EYS: variants seen among roughly 807,000 people sequenced by gnomAD.
EYS encodes the protein EGF-like photoreceptor maintenance factor.
A neutral mutation model predicts 282.1 loss-of-function variants in EYS; 250 were observed. The ratio of observed to expected loss-of-function variants is 0.89; its 90% CI spans 0.80 to 0.98. EYS has a LOEUF of 0.98. EYS is among the 50% of genes least tolerant of loss of function. The pLI, the probability that EYS is intolerant of heterozygous loss-of-function variation, is 0.00. For synonymous variants in EYS, 1,355 were observed against 1,282.9 expected, an observed-to-expected ratio of 1.06 and a Z score of -1.20; for missense variants, 4,016 against 3,709.0, an observed-to-expected ratio of 1.08 and a Z score of -2.15.
chr6:64,488,780 C>A (rs1332742185), intron 26 of EYS, among the ~76,000 whole-genome samples: 1 of 150,872 alleles, frequency 6.6e-6, no homozygotes, highest in Admixed American at 6.6e-5. Flanking sequence ...GTCATCGTAT[C>A]CATGGAAAAG....
intron 13 of EYS, among the ~76,000 whole-genome samples, chr6:65,037,567 C>G (rs1772807729): frequency 6.6e-6 from 1 of 151,522 alleles, no homozygotes; most frequent in African/African-American, 2.4e-5. Context: ...TTTCTTTTCT[C>G]TAGGTTACTT....
At chr6:64,031,719 G>A (rs1451751867) in intron 33 of EYS, among the ~76,000 whole-genome samples, 1 of 152,144 alleles carries the variant, frequency 6.6e-6, no homozygotes, top group Non-Finnish European at 1.5e-5. Context: ...ACTCTGGTGG[G>A]GACTTGGAGA....
chr6:65,191,031 G>A (rs1197695684), intron 12 of EYS, among the ~76,000 whole-genome samples: 3 of 151,720 alleles, frequency 2.0e-5, no homozygotes, highest in Non-Finnish European at 4.4e-5. Context: ...ATCTATTCCC[G>A]CCTTAGCAAA....
chr6:64,330,030 G>C (rs1462433541), intron 29 of EYS, among the ~76,000 whole-genome samples: 1 of 152,122 alleles, frequency 6.6e-6, no homozygotes, highest in African/African-American at 2.4e-5. Context: ...TTTCAAGGAA[G>C]CACTAGCCCA....
chr6:63,739,562 A>C (rs1769019384), intron 41 of EYS, among the ~76,000 whole-genome samples: 2 of 152,146 alleles, frequency 1.3e-5, no homozygotes, highest in Non-Finnish European at 2.9e-5. Context: ...AATATTCCCA[A>C]AAGTTGAGGA....
At chr6:64,257,735 G>A (rs1384833614) in intron 30 of EYS, among the ~76,000 whole-genome samples, 2 of 151,712 alleles carry the variant, frequency 1.3e-5, no homozygotes, top group Admixed American at 6.6e-5. Flanking sequence ...ATCCAGGAAT[G>A]CTCACACCGC....
intron 8 of EYS, among the ~76,000 whole-genome samples, chr6:65,354,505 A>G (rs1764402474): frequency 6.6e-6 from 1 of 151,670 alleles, no homozygotes; most frequent in Middle Eastern, 3.4e-3. Context: ...AGTATGAGTC[A>G]ACACTAAATG....
At chr6:65,049,997 C>G (rs1773219795) in intron 13 of EYS, among the ~76,000 whole-genome samples, 1 of 151,342 alleles carries the variant, frequency 6.6e-6, no homozygotes, top group Admixed American at 6.6e-5. Flanking sequence ...AATTACCCAC[C>G]CAAATGGAGC....
At chr6:64,021,980 G>C (rs1769214008) in intron 33 of EYS, among the ~76,000 whole-genome samples, 1 of 152,096 alleles carries the variant, frequency 6.6e-6, no homozygotes, top group East Asian at 1.9e-4. Context: ...TTCATTGTAG[G>C]TTGTATGCAA....
intron 22 of EYS, among the ~76,000 whole-genome samples, chr6:64,698,785 T>C (rs9360030): frequency 0.8 from 121,509 of 152,086 alleles, 48,919 homozygotes; most frequent in Non-Finnish European, 0.86. Flanking sequence ...GATACCATCT[T>C]ACACCAGTCA....
chr6:64,919,419 C>CTTTTTTTTTTTTTT (rs370375636), intron 15 of EYS, among the ~76,000 whole-genome samples: 2 of 135,512 alleles, frequency 1.5e-5, no homozygotes, highest in South Asian at 2.3e-4. Context: ...TTCTTTTTTT[C>CTTTTTTTTTTTTTT]TTTTTTTTTT....
intron 35 of EYS, among the ~76,000 whole-genome samples, chr6:63,878,493 C>G (rs1773039605): frequency 6.6e-6 from 1 of 152,230 alleles, no homozygotes; most frequent in Non-Finnish European, 1.5e-5. Flanking sequence ...AACCACTACT[C>G]TCTTCAAAGC....
At chr6:65,062,165 C>A (rs1583447148) in intron 12 of EYS, among the ~76,000 whole-genome samples, 2 of 151,886 alleles carry the variant, frequency 1.3e-5, no homozygotes, top group East Asian at 1.9e-4. Context: ...GGCTTCAATG[C>A]CTAATTAAAT....
intron 26 of EYS, among the ~76,000 whole-genome samples, chr6:64,446,095 T>C (rs1250764612): frequency 6.6e-6 from 1 of 152,236 alleles, no homozygotes; most frequent in Admixed American, 6.5e-5. Flanking sequence ...CTCTTGCCTT[T>C]ATTTCTAGAA....
intron 12 of EYS, among the ~76,000 whole-genome samples, chr6:65,210,648 G>C (rs961424608): frequency 2.0e-5 from 3 of 151,730 alleles, no homozygotes; most frequent in African/African-American, 7.3e-5. Flanking sequence ...ATAAATAATA[G>C]TGTATTATAG....
At chr6:65,701,687 C>T (rs1469256542) in intron 1 of EYS, among the ~76,000 whole-genome samples, 3 of 151,768 alleles carry the variant, frequency 2.0e-5, no homozygotes, top group African/African-American at 4.8e-5. Context: ...TTTCTCACAC[C>T]TCTCCAGAAA....
intron 2 of EYS, among the ~76,000 whole-genome samples, chr6:65,568,291 CTTTTTTTCT>C (rs774975687): frequency 1.7e-5 from 2 of 120,790 alleles, no homozygotes; most frequent in Non-Finnish European, 3.3e-5. Flanking sequence ...CTCCCACTTT[CTTTTTTTCT>C]TTTTTTTCTT....
chr6:64,805,415 T>C (rs906159343), intron 22 of EYS, among the ~76,000 whole-genome samples: 2 of 152,038 alleles, frequency 1.3e-5, no homozygotes, highest in East Asian at 3.8e-4. Flanking sequence ...TACCATCACA[T>C]TTAGTATAGC....
chr6:63,948,459 G>A (rs1765464366), intron 35 of EYS, among the ~76,000 whole-genome samples: 1 of 152,164 alleles, frequency 6.6e-6, no homozygotes, highest in Non-Finnish European at 1.5e-5. Flanking sequence ...CTGCACTGAT[G>A]CCTGCCTCCA....
Sources: gnomAD v4.1 joint callset for allele counts (sites outside exome capture counted in the v4.1 genomes callset) on GRCh38, gnomAD v4.1.1 for gene constraint, MANE v1.5 for transcripts, NCBI Gene and HGNC (gene_info 2026-07-23, HGNC 2026-07-21) for gene names.